Variants in SRGAP2C observed in about 807,000 individuals in gnomAD.
The protein encoded by SRGAP2C is SLIT-ROBO Rho GTPase-activating protein 2C.
A neutral mutation model predicts 25.1 loss-of-function variants in SRGAP2C; 15 were observed. The ratio of observed to expected loss-of-function variants is 0.60; its 90% confidence interval spans 0.40 to 0.92. SRGAP2C has a LOEUF of 0.92. SRGAP2C is among the 40% of genes least tolerant of loss of function. SRGAP2C has a pLI of 0.00. For synonymous variants in SRGAP2C, 44 were observed against 96.6 expected (o/e 0.46, Z 3.19); for missense variants, 144 against 264.4 (o/e 0.54, Z 3.16).
At chr1:121,217,805 G>A (rs1256345819) in intron 2 of SRGAP2C, among the ~76,000 whole-genome samples, 17 of 152,300 alleles carry the variant, frequency 1.1e-4, no homozygotes, top group East Asian at 3.9e-4. Context: ...CAAATAAACC[G>A]AAAGGTATTA....
intron 2 of SRGAP2C, among the ~76,000 whole-genome samples, chr1:121,195,274 G>C (rs1654802140): frequency 6.6e-6 from 1 of 152,022 alleles, no homozygotes; most frequent in Admixed American, 6.5e-5. Flanking sequence ...GTTGGGCGTG[G>C]TGGTGGGTGC....
chr1:121,267,287 G>A (rs1553334483), intron 2 of SRGAP2C, among the ~76,000 whole-genome samples: 1 of 150,426 alleles, frequency 6.6e-6, no homozygotes, highest in Admixed American at 6.6e-5. Context: ...TTTGCCTTGT[G>A]GGCTCAAGCG....
At chr1:121,264,050 A>C (rs1382451181) in intron 2 of SRGAP2C, among the ~76,000 whole-genome samples, 1 of 151,870 alleles carries the variant, frequency 6.6e-6, no homozygotes, top group Non-Finnish European at 1.5e-5. Context: ...AGGATGAGGA[A>C]AGTGAAACTC....
chr1:121,216,182 T>C (rs1655378986), intron 2 of SRGAP2C, among the ~76,000 whole-genome samples: 1 of 152,062 alleles, frequency 6.6e-6, no homozygotes, highest in African/African-American at 2.4e-5. Context: ...GAACAGAGAC[T>C]TAGTTGAAAG....
chr1:121,239,267 C>CTATATATATATATATATATAGTA (rs1217356416), intron 2 of SRGAP2C, among the ~76,000 whole-genome samples: 1 of 2,126 alleles, frequency 4.7e-4, no homozygotes. Flanking sequence ...TATATATATA[C>CTATATATATATATATATATAGTA]TATATATATA....
At chr1:121,383,378 T>C (rs1659879667) in intron 8 of SRGAP2C, among the ~76,000 whole-genome samples, 1 of 151,796 alleles carries the variant, frequency 6.6e-6, no homozygotes, top group African/African-American at 2.4e-5. Flanking sequence ...GAGGCTTTAG[T>C]GGGGAAGCGA....
rs1161491118 is a variant in SRGAP2C at position 121,358,769 on chromosome 1, ATTTTT to A, written c.424-6509_424-6505del. ...TAATAGCTGGATTTTTTGAAATCAGATTTTTTTTTTTTTTTTTTTGGCAAGCTAGA... is the reference window on the plus strand; with the variant it reads ...TAATAGCTGGATTTTTTGAAATCAGATTTTTTTTTTTTTTGGCAAGCTAGA... On this transcript the variant is annotated intron_variant, in intron 4 of 9. Transcript: ENST00000367123. 4.8e-4 allele frequency among the ~76,000 whole-genome samples: 34 copies of A among 70,640 alleles called. No homozygotes were observed. The South Asian group carries it at 5.4e-3, about 11-fold the overall frequency. 46.3% of individuals were successfully genotyped at this position (70,640 alleles called of 152,430 possible).
intron 3 of SRGAP2C, among the ~76,000 whole-genome samples, chr1:121,297,594 A>G (rs1657623548): frequency 6.6e-6 from 1 of 151,300 alleles, no homozygotes; most frequent in Non-Finnish European, 1.5e-5. Context: ...TGCTCAATAA[A>G]TGGTAGCTGA....
At chr1:121,198,290 T>G (rs1442110976) in intron 2 of SRGAP2C, among the ~76,000 whole-genome samples, 2,618 of 151,450 alleles carry the variant, frequency 0.017, 36 homozygotes, top group African/African-American at 0.05. Context: ...TGTTTTTTTT[T>G]TTTGTTTGTT....
At chr1:121,270,468 A>G (rs1401458180) in intron 2 of SRGAP2C, among the ~76,000 whole-genome samples, 1 of 125,202 alleles carries the variant, frequency 8.0e-6, no homozygotes, top group Non-Finnish European at 1.7e-5. Context: ...GGCCTTTTCT[A>G]TTCACAGATT....
At chr1:121,337,462 T>C (rs1453466137) in intron 4 of SRGAP2C, among the ~76,000 whole-genome samples, 1 of 143,286 alleles carries the variant, frequency 7.0e-6, no homozygotes, top group African/African-American at 2.6e-5. Context: ...TGAAACCCTG[T>C]CTCTACTAAA....
chr1:121,354,396 CTTTTTTTTTTTTT>C (rs71274571), intron 4 of SRGAP2C, among the ~76,000 whole-genome samples: 1 of 9,172 alleles, frequency 1.1e-4, no homozygotes, highest in Non-Finnish European at 1.9e-4. Context: ...CTTTTTTTTT[CTTTTTTTTTTTTT>C]TTTTTTTTTT....
At chr1:121,332,453 G>A (rs1328210753) in intron 4 of SRGAP2C, among the ~76,000 whole-genome samples, 10 of 148,950 alleles carry the variant, frequency 6.7e-5, no homozygotes, top group South Asian at 2.2e-4. Context: ...TGGTGACAAA[G>A]GGTGAATCTG....
intron 4 of SRGAP2C, among the ~76,000 whole-genome samples, chr1:121,329,310 T>A (rs1553341995): frequency 1.3e-5 from 2 of 152,064 alleles, no homozygotes; most frequent in Non-Finnish European, 2.9e-5. Flanking sequence ...ATCTACATAC[T>A]GTATTAGGAT....
intron 2 of SRGAP2C, among the ~76,000 whole-genome samples, chr1:121,209,701 AG>A (rs1655202868): frequency 9.6e-6 from 1 of 104,656 alleles, no homozygotes; most frequent in Non-Finnish European, 1.9e-5. Flanking sequence ...AACTCTTTCA[AG>A]CTCACAAAGC....
chr1:121,286,103 C>T (rs1367202564), intron 3 of SRGAP2C, among the ~76,000 whole-genome samples: 1 of 152,090 alleles, frequency 6.6e-6, no homozygotes, highest in Non-Finnish European at 1.5e-5. Context: ...ATAGGTTGGA[C>T]AAGCTTGGTC....
intron 3 of SRGAP2C, among the ~76,000 whole-genome samples, chr1:121,287,791 G>T (rs1161994510): frequency 1.3e-5 from 2 of 152,086 alleles, no homozygotes; most frequent in Non-Finnish European, 2.9e-5. Flanking sequence ...CTTCTGGTGG[G>T]TTCATGGTCT....
chr1:121,275,588 C>G (rs1570756536), intron 2 of SRGAP2C, among the ~76,000 whole-genome samples: 1 of 143,606 alleles, frequency 7.0e-6, no homozygotes, highest in Admixed American at 7.0e-5. Context: ...TTGTCTTTAA[C>G]TTGCTTTTGA....
intron 2 of SRGAP2C, among the ~76,000 whole-genome samples, chr1:121,239,087 G>A (rs1467895801): frequency 7.9e-6 from 1 of 126,098 alleles, no homozygotes; most frequent in Non-Finnish European, 1.6e-5. Flanking sequence ...CAGGTGCTGG[G>A]AACCTAGGGG....
Sources: allele counts gnomAD v4.1 joint callset (sites outside exome capture counted in the v4.1 genomes callset), GRCh38; gene constraint gnomAD v4.1.1; transcripts MANE v1.5; gene names NCBI Gene and HGNC (gene_info 2026-07-23, HGNC 2026-07-21).